The following KIF16B variants were observed in gnomAD, a reference collection of about 807,000 sequenced individuals.
KIF16B encodes kinesin-like protein KIF16B.
Under a neutral mutation model 156.3 loss-of-function variants are expected in KIF16B, and 98 were observed. The observed-to-expected ratio is 0.63, with a 90% CI of 0.53 to 0.74. The LOEUF is 0.74. Among genes scored for constraint, KIF16B ranks in the 30% least tolerant of loss-of-function variants. KIF16B has a pLI of 0.00. For missense variants in KIF16B, 1,421 were observed against 1,606.5 expected, an observed-to-expected ratio of 0.88 and a Z score of 1.97; for synonymous variants, 564 against 583.7, an observed-to-expected ratio of 0.97 and a Z score of 0.49.
At chr20:16,460,807 A>C (rs923675539) in intron 12 of KIF16B, among the ~76,000 whole-genome samples, 72 of 152,294 alleles carry the variant, frequency 4.7e-4, no homozygotes, top group African/African-American at 1.6e-3. Flanking sequence ...AAAAAAACAG[A>C]CCATGAAAGA....
At chr20:16,573,133 C>T in intron 1 of KIF16B, 96 bp downstream of exon 1, 1 of 1,246,100 alleles carries the variant, frequency 8.0e-7, no homozygotes, top group Non-Finnish European at 1.1e-6. Flanking sequence ...CAGCCGGTGA[C>T]ACTTTTAAGT....
At chr20:16,421,197 A>T (rs1341509305) in intron 15 of KIF16B, among the ~76,000 whole-genome samples, 2 of 152,170 alleles carry the variant, frequency 1.3e-5, no homozygotes, top group Non-Finnish European at 2.9e-5. Context: ...GTGCTAAAAA[A>T]TTTACTTAAA....
intron 1 of KIF16B, among the ~76,000 whole-genome samples, chr20:16,562,626 G>A (rs920486119): frequency 1.3e-5 from 2 of 152,030 alleles, no homozygotes; most frequent in African/African-American, 2.4e-5. Context: ...AGGTCTTCCC[G>A]GCACAGTTCC....
At position 16,547,275 on chromosome 20, in the gene KIF16B, C is replaced by T. The variant is rs556579292; in HGVS notation, c.48-18835G>A. 5.3e-5 allele frequency among the ~76,000 whole-genome samples: 8 copies of T among 152,320 alleles called. No homozygotes were observed. In the South Asian group the frequency reaches 1.7e-3, roughly 32 times the overall value. ...CCACCATGGCCAGAGGCAGGACAAA[C>T]ACATGCCTCCCCTTTACAAGGCTGT... On this transcript the variant is annotated intron_variant, in intron 1 of 25. Coordinates refer to ENST00000354981, the MANE Select transcript of KIF16B (RefSeq NM_024704.5).
intron 24 of KIF16B, among the ~76,000 whole-genome samples, chr20:16,314,174 C>T (rs547487990): frequency 6.6e-6 from 1 of 152,334 alleles, no homozygotes; most frequent in South Asian, 2.1e-4. Context: ...TCTCTGATGA[C>T]TGATGTTGTC....
chr20:16,291,547 G>A (rs763175378), intron 25 of KIF16B, among the ~76,000 whole-genome samples: 1 of 152,196 alleles, frequency 6.6e-6, no homozygotes, highest in Non-Finnish European at 1.5e-5. Flanking sequence ...TTAAAACAAA[G>A]TACTGGCAAA....
chr20:16,393,500 T>C (rs2065420497), intron 17 of KIF16B, among the ~76,000 whole-genome samples: 2 of 152,196 alleles, frequency 1.3e-5, no homozygotes, highest in Non-Finnish European at 1.5e-5. Flanking sequence ...AAGCCAGCCA[T>C]TGCAGGTTAA....
chr20:16,429,071 CATTGAAGCCCA>C (rs1371543306), intron 13 of KIF16B, 67 bp from the exon 14 acceptor site: 1 of 1,339,354 alleles, frequency 7.5e-7, no homozygotes, highest in African/African-American at 1.4e-5. Flanking sequence ...CTTCATTTTT[CATTGAAGCCCA>C]AACAACATAG....
At chr20:16,547,296 G>A (rs2070451813) in intron 1 of KIF16B, among the ~76,000 whole-genome samples, 1 of 152,182 alleles carries the variant, frequency 6.6e-6, no homozygotes, top group Non-Finnish European at 1.5e-5. Flanking sequence ...CCTTTACAAG[G>A]CTGTGAGGGA....
intron 24 of KIF16B, among the ~76,000 whole-genome samples, chr20:16,323,990 C>T (rs1444030197): frequency 1.3e-5 from 2 of 151,896 alleles, no homozygotes; most frequent in African/African-American, 2.4e-5. Flanking sequence ...TCAGGCATGA[C>T]CCAGTGAACG....
chr20:16,283,166 G>A lies in KIF16B; in HGVS notation c.3796-9755C>T, dbSNP rs956809556. On this transcript the variant is annotated intron_variant, in intron 25 of 25. Transcript: ENST00000354981. ...CTTTGGGCTTTGTAGGCAAAGAGGC[G>A]AAATTAAGGATATTATGTAGGTGTT... Among the ~76,000 whole-genome samples the A allele has an allele frequency of 3.3e-5, 5 of 152,178 alleles. No homozygotes were observed. The South Asian group carries it at 8.3e-4, about 25-fold the overall frequency.
chr20:16,295,928 G>A (rs1464798851), intron 25 of KIF16B, among the ~76,000 whole-genome samples: 1 of 152,164 alleles, frequency 6.6e-6, no homozygotes, highest in Non-Finnish European at 1.5e-5. Context: ...GGTAGTCAAT[G>A]TTTTTTCTAC....
rs199950992 is a variant in KIF16B, at chr20:16,551,127, C to CTCT, written c.47+22099_47+22101dup. On this transcript the variant is annotated intron_variant, in intron 1 of 25. Transcript: ENST00000354981. ...GAAGAAACCACCAGTGAGGGGCTTTCTCTTCTTTTTTTTTTTTTTTTGAGA... is the reference window on the plus strand; with the variant it reads ...GAAGAAACCACCAGTGAGGGGCTTTCTCTTCTTCTTTTTTTTTTTTTTTTGAGA... 2.7e-4 allele frequency among the ~76,000 whole-genome samples: 29 copies of CTCT among 106,492 alleles called. 1 individual carries two copies. The highest frequency in any genetic ancestry group is 6.5e-4 in the African/African-American group (20 of 30,674). The allele number at this position is 106,492 out of a possible 152,430, so 69.9% of individuals were successfully genotyped here.
intron 12 of KIF16B, among the ~76,000 whole-genome samples, chr20:16,431,269 G>C (rs6135751): frequency 0.064 from 9,799 of 152,208 alleles, 512 homozygotes; most frequent in East Asian, 0.26. Flanking sequence ...GGCCATCAGG[G>C]CAGGTCACTC....
At chr20:16,436,446 C>T (rs780045695) in intron 12 of KIF16B, among the ~76,000 whole-genome samples, 1 of 152,166 alleles carries the variant, frequency 6.6e-6, no homozygotes, top group Non-Finnish European at 1.5e-5. Context: ...TAATGTTTCC[C>T]CAGGCCTTCA....
At chr20:16,341,763 C>T (rs1207568152) in intron 23 of KIF16B, among the ~76,000 whole-genome samples, 13 of 152,202 alleles carry the variant, frequency 8.5e-5, no homozygotes, top group East Asian at 7.7e-4. Context: ...CTCCAGGGAA[C>T]TGTGATGCAG....
intron 2 of KIF16B, 124 bp downstream of exon 2, chr20:16,528,247 G>T: frequency 1.4e-6 from 1 of 695,922 alleles, no homozygotes. Flanking sequence ...AAGCTGACGT[G>T]GCTAACTGCA....
intron 25 of KIF16B, among the ~76,000 whole-genome samples, chr20:16,310,091 G>T (rs893978922): frequency 1.3e-5 from 2 of 152,198 alleles, no homozygotes; most frequent in African/African-American, 2.4e-5. Flanking sequence ...CTTGCTCCTT[G>T]AAAAGAAGAT....
At chr20:16,349,405 T>C (rs985726511) in intron 23 of KIF16B, among the ~76,000 whole-genome samples, 5 of 152,210 alleles carry the variant, frequency 3.3e-5, no homozygotes, top group Non-Finnish European at 7.3e-5. Context: ...ATTTTCTCCA[T>C]GACAGGAAAT....
Sources: allele counts gnomAD v4.1 joint callset (sites outside exome capture counted in the v4.1 genomes callset), GRCh38; gene constraint gnomAD v4.1.1; transcripts MANE v1.5; gene names NCBI Gene and HGNC (gene_info 2026-07-23, HGNC 2026-07-21).